Variants in DNAH10 observed in about 807,000 individuals in gnomAD.
DNAH10 encodes the protein dynein axonemal heavy chain 10.
DNAH10 carries 348 observed loss-of-function variants against 506.6 expected under a neutral mutation model. The ratio of observed to expected loss-of-function variants is 0.69; its 90% CI spans 0.63 to 0.75. The LOEUF is 0.75. DNAH10 is among the 30% of genes least tolerant of loss of function. The pLI, the probability that DNAH10 is intolerant of heterozygous loss-of-function variation, is 0.00. For missense variants in DNAH10, 5,179 were observed against 5,787.1 expected, an observed-to-expected ratio of 0.89 and a Z score of 3.41; for synonymous variants, 2,059 against 2,198.6, an observed-to-expected ratio of 0.94 and a Z score of 1.78.
At position 123,853,826 on chromosome 12, in the gene DNAH10, G is replaced by GCA. The variant is rs950696695; in HGVS notation, c.6438+482_6438+483dup. On this transcript the variant is annotated intron_variant, in intron 36 of 78. Coordinates refer to ENST00000673944, the MANE Select transcript of DNAH10 (RefSeq NM_001372106.1). This position sits in a 1 kb window ranked among gnomAD's most constrained non-coding sequence, Gnocchi z 4.7. Reference sequence around the variant, plus strand: ...CTCAATGTTGCACGCACACACGCACGCACACACACGCACACGCACGGACAC... The same window carrying GCA: ...CTCAATGTTGCACGCACACACGCACGCACACACACACGCACACGCACGGACAC... Among the ~76,000 whole-genome samples the GCA allele has an allele frequency of 6.7e-6, 1 of 149,934 alleles. No homozygotes were observed. Among genetic ancestry groups the GCA allele is most frequent in the Non-Finnish European group, 1.5e-5 (1 of 67,648 alleles).
rs535961779 is a variant in DNAH10 at position 123,830,662 on chromosome 12, T to C, written c.4508T>C (p.Ile1503Thr). 6 of 1,613,300 alleles carry C rather than the reference T, an allele frequency of 3.7e-6. No individual in the cohort carries two copies. In the Admixed American group the frequency reaches 6.7e-5, roughly 18 times the overall value. Reference protein sequence around the residue: ...LHKHTDVLNEIVTAAIKEVAI... With the variant: ...LHKHTDVLNETVTAAIKEVAI... ...AAACACACAGATGTTCTCAATGAGATTGTCACAGCAGCAATCAAGGAGGTT... is the reference window on the plus strand; with the variant it reads ...AAACACACAGATGTTCTCAATGAGACTGTCACAGCAGCAATCAAGGAGGTT... The change falls in exon 26 of 79, where the codon ATT becomes ACT. Residue 1503 changes from isoleucine to threonine, a missense_variant. By Grantham distance (89) the Ile-to-Thr change is moderately conservative (BLOSUM62 -1). Coordinates refer to ENST00000673944, the MANE Select transcript of DNAH10 (RefSeq NM_001372106.1).
At chr12:123,876,737 G>A (rs968039487) in intron 47 of DNAH10, among the ~76,000 whole-genome samples, 3 of 152,268 alleles carry the variant, frequency 2.0e-5, no homozygotes, top group African/African-American at 4.8e-5. Flanking sequence ...TGAGGAGAGC[G>A]GATCACTCGA....
chr12:123,767,175 T>C (rs1957079587), intron 1 of DNAH10, among the ~76,000 whole-genome samples: 1 of 152,220 alleles, frequency 6.6e-6, no homozygotes, highest in Non-Finnish European at 1.5e-5. Flanking sequence ...TCCAAAGTGC[T>C]GGGATTACAG....
intron 28 of DNAH10, among the ~76,000 whole-genome samples, chr12:123,837,781 A>T (rs1434673846): frequency 1.3e-5 from 2 of 148,568 alleles, no homozygotes; most frequent in Non-Finnish European, 3.0e-5. Context: ...TTTTTAGTAG[A>T]GATGGAGTCT....
In DNAH10 at chr12:123,861,108, A is replaced by C; in HGVS notation, c.6846A>C (p.Thr2282=). 1 of 1,614,024 alleles carries C rather than the reference A, an allele frequency of 6.2e-7. No homozygotes were observed. Among genetic ancestry groups the C allele is most frequent in the Non-Finnish European group, 8.5e-7 (1 of 1,179,892 alleles). The change falls in exon 39 of 79, where the codon ACA becomes ACC. Residue 2282 remains threonine (T), a synonymous_variant. Transcript: ENST00000673944. ...TGGACCCAACCACCCGAGACTGGAC[A>C]GATGGGGTGTTGTCAAACATCTTCA... ...GILDPTTRDW[T]DGVLSNIFRE...
chr12:123,898,078 A>G, intron 55 of DNAH10, 111 bp downstream of exon 55: 1 of 1,018,378 alleles, frequency 9.8e-7, no homozygotes. Flanking sequence ...TTGAGGCCAA[A>G]CGAAGCACAT....
Position 123,783,835 on chromosome 12 carries a change from C to T in DNAH10, c.1000-112C>T, listed in dbSNP as rs1957752591. On this transcript the variant is annotated intron_variant, in intron 7 of 78. Transcript: ENST00000673944. ...AGGGTCAAGAGCCCACCCCTGAAGA[C>T]CCTGAAGGATTGGAGCAGTTGGACA... 4 of 967,882 alleles carry T rather than the reference C, an allele frequency of 4.1e-6. No homozygotes were observed. The African/African-American group carries it at 4.9e-5, about 12-fold the overall frequency. 60.0% of individuals were successfully genotyped at this position (967,882 alleles called of 1,614,324 possible).
In DNAH10 at chr12:123,903,498, T is replaced by TC. The variant is rs1953626164; in HGVS notation, c.9815+385_9815+386insC. On this transcript the variant is annotated intron_variant, in intron 57 of 78. Transcript: ENST00000673944. This position sits in a 1 kb window ranked among gnomAD's most constrained non-coding sequence, Gnocchi z 4.6. ...CCTGCTGAAAACAGCTCTGCAGAGA[T>TC]GTGTGCACACCACGGCCGGACTGGC... Among the ~76,000 whole-genome samples the TC allele has an allele frequency of 3.9e-5, 6 of 152,312 alleles. No homozygotes were observed. The South Asian group carries it at 1.0e-3, about 26-fold the overall frequency.
At chr12:123,923,057 A>G (rs1954796676) in intron 65 of DNAH10, 1 of 152,224 alleles carries the variant, frequency 6.6e-6, no homozygotes, top group African/African-American at 2.4e-5. Flanking sequence ...TGACTTAAAC[A>G]ATTTTTTTTT....
In DNAH10 at chr12:123,913,198, C is replaced by T. The variant is rs758911140; in HGVS notation, c.10235C>T (p.Ala3412Val). Residue 3412 changes from alanine (A) to valine (V), a missense_variant, in exon 60 of 79, where the codon GCC becomes GTC. Ala to Val is a moderately conservative substitution (Grantham distance 64, BLOSUM62 0). Coordinates refer to ENST00000673944, the MANE Select transcript of DNAH10 (RefSeq NM_001372106.1). This position sits in a 1 kb window ranked among gnomAD's most constrained non-coding sequence, Gnocchi z 5.1. ...AIQKELETLG[A>V]KYEAAILEKQ... ...CAGAAAGAGCTGGAAACATTGGGTG[C>T]CAAATATGAGGCCGCCATACTGGAA... 2 of 1,610,456 alleles carry T rather than the reference C, an allele frequency of 1.2e-6. No homozygotes were observed. The highest frequency in any genetic ancestry group is 1.7e-6 in the Non-Finnish European group (2 of 1,178,730).
chr12:123,859,332 CAGTATTACCA>C, intron 38 of DNAH10, 64 bp downstream of exon 38: 3 of 1,289,280 alleles, frequency 2.3e-6, no homozygotes, highest in Non-Finnish European at 3.1e-6. Context: ...TGTTTGGTGC[CAGTATTACCA>C]AGTCCCACTT....
At chr12:123,842,762 G>C (rs1288626523) in intron 30 of DNAH10, among the ~76,000 whole-genome samples, 1 of 152,154 alleles carries the variant, frequency 6.6e-6, no homozygotes, top group Non-Finnish European at 1.5e-5. Context: ...AATTTCCATG[G>C]TGCAAATATT....
chr12:123,769,830 T>C (rs536677055), intron 2 of DNAH10, among the ~76,000 whole-genome samples: 7 of 151,730 alleles, frequency 4.6e-5, no homozygotes, highest in Admixed American at 3.9e-4. Flanking sequence ...CATAGTGCCC[T>C]GTAGCCTTGA....
Position 123,850,994 on chromosome 12 carries a change from T to G in DNAH10, c.6209T>G (p.Phe2070Cys). The G allele has an allele frequency of 6.2e-7, 1 of 1,614,030 alleles. No homozygotes were observed. Among genetic ancestry groups the G allele is most frequent in the East Asian group, 2.2e-5 (1 of 44,886 alleles). The part of the protein sequence containing the change: ...TELPESVKAL[F>C]RPVVVIVPDL... Reference sequence around the variant, plus strand: ...CTGCCCGAGTCGGTGAAGGCGCTGTTCAGGCCTGTGGTCGTGATCGTGCCC... The same window carrying G: ...CTGCCCGAGTCGGTGAAGGCGCTGTGCAGGCCTGTGGTCGTGATCGTGCCC... The change falls in exon 35 of 79, where the codon TTC (phenylalanine) becomes TGC (cysteine). Residue 2070 changes from phenylalanine to cysteine, a missense_variant. Around this residue, in one of 3 missense-constraint regions of DNAH10, gnomAD observed 4,844 missense variants for 5,430.5 expected, o/e 0.89. Transcript: ENST00000673944. The surrounding 1 kb of genome is among the most constrained non-coding windows in gnomAD (Gnocchi z 5.5).
intron 45 of DNAH10, 56 bp downstream of exon 45, chr12:123,871,658 A>G: frequency 7.2e-6 from 11 of 1,521,904 alleles, no homozygotes; most frequent in Non-Finnish European, 9.7e-6. Context: ...ATTCCAGTGC[A>G]TAGCAGCTTC....
chr12:123,841,404 G>A lies in DNAH10; in HGVS notation c.5219G>A (p.Gly1740Glu), dbSNP rs1439039568. Residue 1740 changes from glycine (G) to glutamate (E), a missense_variant, in exon 30 of 79, where the codon GGA becomes GAA. By Grantham distance (98) the Gly-to-Glu change is moderately conservative. This residue lies in a region of DNAH10 where 4,844 missense variants were observed against 5,430.5 expected (regional missense o/e 0.89). Coordinates refer to ENST00000673944, the MANE Select transcript of DNAH10 (RefSeq NM_001372106.1). ...KLVSAMISAE[G>E]EVMEFRKILR... The stretch of plus-strand genomic sequence containing the variant: ...GTGTCCGCGATGATTTCAGCAGAAG[G>A]AGAAGTCATGGAGTTTCGGAAGATC... The A allele has an allele frequency of 6.2e-7, 1 of 1,613,920 alleles. No homozygotes were observed. Among genetic ancestry groups the A allele is most frequent in the Non-Finnish European group, 8.5e-7 (1 of 1,179,896 alleles).
At chr12:123,847,118 C>A (rs563591552) in intron 32 of DNAH10, among the ~76,000 whole-genome samples, 10 of 151,856 alleles carry the variant, frequency 6.6e-5, no homozygotes, top group African/African-American at 2.2e-4. Context: ...TCTTATCCAT[C>A]CATCCGTGCA....
intron 24 of DNAH10, among the ~76,000 whole-genome samples, chr12:123,825,618 A>G (rs954823510): frequency 3.9e-5 from 6 of 152,190 alleles, no homozygotes; most frequent in African/African-American, 1.4e-4. Flanking sequence ...GGCAGTACAC[A>G]GATCTGTGGT....
chr12:123,801,257 T>G lies in DNAH10; in HGVS notation c.2463-24T>G, dbSNP rs111937173. On this transcript the variant is annotated intron_variant, in intron 15 of 78. Transcript: ENST00000673944. Reference sequence around the variant, plus strand: ...GAGCTTAAAGGTGCTCTCCTCAGGTTTATGACATTCCTGTCATGTGCAGGT... The same window carrying G: ...GAGCTTAAAGGTGCTCTCCTCAGGTGTATGACATTCCTGTCATGTGCAGGT... 15,052 of 1,610,686 alleles carry G rather than the reference T, an allele frequency of 9.3e-3. 685 individuals are homozygous for G. The African/African-American group carries it at 0.13, about 14-fold the overall frequency.
Sources: allele counts gnomAD v4.1 joint callset (sites outside exome capture counted in the v4.1 genomes callset), GRCh38; gene constraint gnomAD v4.1.1; regional missense constraint gnomAD v4.1.1; non-coding constraint Gnocchi (gnomAD v3.1); transcripts MANE v1.5; gene names NCBI Gene and HGNC (gene_info 2026-07-23, HGNC 2026-07-21).